Variants in PCDHGA6 observed in about 807,000 individuals in gnomAD.
PCDHGA6 encodes the protein protocadherin gamma-A6.
Under a neutral mutation model 60.6 loss-of-function variants are expected in PCDHGA6, and 41 were observed. The observed-to-expected ratio is 0.68, with a 90% CI of 0.53 to 0.88. PCDHGA6 has a LOEUF of 0.88. Among genes scored for constraint, PCDHGA6 ranks in the 40% least tolerant of loss-of-function variants. The pLI, the probability that PCDHGA6 is intolerant of heterozygous loss-of-function variation, is 0.00. For missense variants in PCDHGA6, 1,312 were observed against 1,203.0 expected (o/e 1.09, Z -1.34); for synonymous variants, 594 against 524.4 (o/e 1.13, Z -1.81).
At position 141,476,379 on chromosome 5, in the gene PCDHGA6, T is replaced by TTCA. The variant is rs768549633; in HGVS notation, c.2425-18428_2425-18427insTCA. 9 of 1,614,126 alleles carry TTCA rather than the reference T, an allele frequency of 5.6e-6. No homozygotes were observed. The East Asian group carries it at 2.0e-4, about 36-fold the overall frequency. ...AACCGGGAGACCGGAGAGATGTTTG[T>TTCA]GAACGACCGTCTGGATCGAGAGGAG... On this transcript the variant is annotated intron_variant, in intron 1 of 3. Transcript: ENST00000517434. This position sits in a 1 kb window ranked among gnomAD's most constrained non-coding sequence, Gnocchi z 7.6.
chr5:141,410,110 C>T, intron 1 of PCDHGA6: 4 of 1,612,540 alleles, frequency 2.5e-6, no homozygotes, highest in Non-Finnish European at 3.4e-6. Flanking sequence ...GCGACAGGGA[C>T]GCAGCCCGCC....
intron 1 of PCDHGA6, chr5:141,427,231 G>A (rs1561827383): frequency 2.2e-6 from 1 of 456,612 alleles, no homozygotes; most frequent in African/African-American, 2.0e-5. Flanking sequence ...TATACCATGA[G>A]AGTAGAAGCT....
At chr5:141,409,708 G>C (rs2095304272) in intron 1 of PCDHGA6, 5 of 1,613,088 alleles carry the variant, frequency 3.1e-6, no homozygotes, top group Non-Finnish European at 1.7e-6. Context: ...TGGCGGTGTC[G>C]TCATACGTGT....
chr5:141,450,608 T>C (rs916441293), intron 1 of PCDHGA6, among the ~76,000 whole-genome samples: 5 of 151,776 alleles, frequency 3.3e-5, no homozygotes, highest in Admixed American at 2.6e-4. Flanking sequence ...TGCCTCAGCC[T>C]CCTGAGTAGC....
chr5:141,469,049 G>A (rs916327969), intron 1 of PCDHGA6, among the ~76,000 whole-genome samples: 3 of 152,054 alleles, frequency 2.0e-5, no homozygotes, highest in African/African-American at 2.4e-5. Context: ...GGCCAAGGTG[G>A]GAGGATTGCT....
chr5:141,420,415 TAAAAC>T, intron 1 of PCDHGA6: 1 of 1,217,298 alleles, frequency 8.2e-7, no homozygotes, highest in Non-Finnish European at 1.1e-6. Flanking sequence ...TTATCATTAT[TAAAAC>T]AAAAGTTTAA....
chr5:141,450,733 C>T (rs886761152), intron 1 of PCDHGA6, among the ~76,000 whole-genome samples: 24 of 152,198 alleles, frequency 1.6e-4, no homozygotes, highest in African/African-American at 5.3e-4. Context: ...GTGATCCGCC[C>T]GCCTTGGCCT....
intron 1 of PCDHGA6, among the ~76,000 whole-genome samples, chr5:141,464,139 C>T (rs1200161549): frequency 6.6e-6 from 1 of 151,928 alleles, no homozygotes; most frequent in Admixed American, 6.6e-5. Flanking sequence ...GTGGTGGGCG[C>T]CTGTAGTCCC....
At chr5:141,403,986 C>T in intron 1 of PCDHGA6, 1 of 1,613,704 alleles carries the variant, frequency 6.2e-7, no homozygotes, top group Non-Finnish European at 8.5e-7. Context: ...GACAATAGAC[C>T]TGAAGTGACC....
intron 1 of PCDHGA6, chr5:141,411,426 A>T (rs115154023): frequency 6.6e-6 from 1 of 151,648 alleles, no homozygotes; most frequent in Non-Finnish European, 1.5e-5. Flanking sequence ...ACAACAACAA[A>T]AAAAAACATT....
At chr5:141,410,595 C>T (rs753833671) in intron 1 of PCDHGA6, 1 of 1,608,802 alleles carries the variant, frequency 6.2e-7, no homozygotes. Flanking sequence ...GAGGATTTGA[C>T]TTCACATCCT....
chr5:141,404,771 C>T lies in PCDHGA6; in HGVS notation c.2424+28264C>T, dbSNP rs376650362. On this transcript the variant is annotated intron_variant, in intron 1 of 3. Coordinates refer to ENST00000517434, the MANE Select transcript of PCDHGA6 (RefSeq NM_018919.3). Reference sequence around the variant, plus strand: ...AGGCCAGAATGCTTGGCTCTCCTACCGCCTATTCAAGGCCAGTGAGCCAGG... The same window carrying T: ...AGGCCAGAATGCTTGGCTCTCCTACTGCCTATTCAAGGCCAGTGAGCCAGG... The T allele has an allele frequency of 3.3e-5, 53 of 1,613,868 alleles. No homozygotes were observed. Among genetic ancestry groups the T allele is most frequent in the African/African-American group, 1.9e-4 (14 of 74,938 alleles).
At chr5:141,416,928 A>G (rs1297487387) in intron 1 of PCDHGA6, 4 of 152,170 alleles carry the variant, frequency 2.6e-5, no homozygotes, top group Non-Finnish European at 2.9e-5. Flanking sequence ...ATAGTTATTA[A>G]CTATTAAACC....
chr5:141,384,922 C>T, intron 1 of PCDHGA6: 1 of 1,614,018 alleles, frequency 6.2e-7, no homozygotes, highest in Non-Finnish European at 8.5e-7. Context: ...CTTGGCCGAC[C>T]TGGGCAGCCT....
intron 1 of PCDHGA6, among the ~76,000 whole-genome samples, chr5:141,459,559 A>AC (rs920626314): frequency 6.6e-6 from 1 of 152,198 alleles, no homozygotes; most frequent in Non-Finnish European, 1.5e-5. Flanking sequence ...TTGGATAAAT[A>AC]CCCCAAAACA....
intron 1 of PCDHGA6, chr5:141,402,922 C>A: frequency 1.3e-6 from 2 of 1,576,446 alleles, no homozygotes; most frequent in Non-Finnish European, 8.6e-7. Flanking sequence ...GCACAGAGAT[C>A]CTTTTGAGAA....
intron 1 of PCDHGA6, chr5:141,389,967 G>C: frequency 8.7e-6 from 14 of 1,614,046 alleles, no homozygotes; most frequent in Non-Finnish European, 1.1e-5. Context: ...GGTGGCCTTG[G>C]CCTTGATCTC....
chr5:141,456,872 A>C (rs1003618586), intron 1 of PCDHGA6, among the ~76,000 whole-genome samples: 2 of 152,152 alleles, frequency 1.3e-5, no homozygotes, highest in African/African-American at 4.8e-5. Context: ...CTGAGGCAGG[A>C]GAATCGCTTG....
At chr5:141,385,318 A>G (rs373167861) in intron 1 of PCDHGA6, 2 of 1,610,212 alleles carry the variant, frequency 1.2e-6, no homozygotes, top group Non-Finnish European at 1.7e-6. Context: ...CCTGCCAAGT[A>G]TTCAGGTGAG....
Sources: gnomAD v4.1 joint callset for allele counts (sites outside exome capture counted in the v4.1 genomes callset) on GRCh38, gnomAD v4.1.1 for gene constraint, Gnocchi (gnomAD v3.1) non-coding constraint, MANE v1.5 for transcripts, NCBI Gene and HGNC (gene_info 2026-07-23, HGNC 2026-07-21) for gene names.